Variants in TSG101 observed in about 807,000 individuals in gnomAD.
The protein encoded by TSG101 is tumor susceptibility 101, also known as tumor susceptibility gene 101 protein.
TSG101 carries 19 observed loss-of-function variants against 48.5 expected under a neutral mutation model. That is an observed-to-expected ratio of 0.39 (90% CI 0.27 to 0.58). TSG101 has a LOEUF of 0.58. Ranked by LOEUF, TSG101 falls within the 20% of genes least tolerant of loss-of-function variation. The pLI, the probability that TSG101 is intolerant of heterozygous loss-of-function variation, is 0.55. For missense variants in TSG101, 365 were observed against 484.4 expected (o/e 0.75, Z 2.31); for synonymous variants, 174 against 169.4 (o/e 1.03, Z -0.21).
At chr11:18,513,043 T>C (rs187526217) in intron 4 of TSG101, among the ~76,000 whole-genome samples, 27 of 152,122 alleles carry the variant, frequency 1.8e-4, no homozygotes, top group African/African-American at 6.5e-4. Context: ...GACAGATTTT[T>C]ATAAGGCTCA....
intron 4 of TSG101, chr11:18,511,294 C>T (rs970001969): frequency 2.6e-5 from 4 of 152,200 alleles, no homozygotes; most frequent in African/African-American, 9.7e-5. Context: ...ATACTCCTGA[C>T]AGAAGAGTTC....
intron 7 of TSG101, among the ~76,000 whole-genome samples, chr11:18,499,250 T>C (rs1849835270): frequency 2.9e-5 from 4 of 135,932 alleles, no homozygotes; most frequent in Non-Finnish European, 6.2e-5. Flanking sequence ...TATATATTTA[T>C]ATATTATATA....
At position 18,519,602 on chromosome 11, in the gene TSG101, T is replaced by C; in HGVS notation, c.44A>G (p.Tyr15Cys). 1 of 1,603,576 alleles carries C rather than the reference T, an allele frequency of 6.2e-7. No homozygotes were observed. Among genetic ancestry groups the C allele is most frequent in the Non-Finnish European group, 8.5e-7 (1 of 1,175,838 alleles). ...ESQLKKMVSKYKYRDLTVRET... is the reference protein window; with the variant it reads ...ESQLKKMVSKCKYRDLTVRET... ...ACGTACAGTTAGGTCTCTGTATTTG[T>C]ACTGAAAAGCAAAATCGCATAAGAA... Residue 15 changes from tyrosine (Y) to cysteine (C), a missense_variant and splice_region_variant, in exon 2 of 10, where the codon TAC (tyrosine) becomes TGC (cysteine). By Grantham distance (194) the Tyr-to-Cys change is radical (BLOSUM62 -2). Transcript: ENST00000251968.
chr11:18,512,723 A>ACTT (rs1554972169), intron 4 of TSG101, among the ~76,000 whole-genome samples: 1 of 120,372 alleles, frequency 8.3e-6, no homozygotes, highest in Admixed American at 9.2e-5. Context: ...GGACAGACAG[A>ACTT]TTTTTTTTTT....
rs1217467741 is a variant in TSG101 at position 18,487,275 on chromosome 11, GA to G, written c.641-3204del. 2.2e-3 allele frequency among the ~76,000 whole-genome samples: 312 copies of G among 144,992 alleles called. 3 individuals carry two copies. The highest frequency in any genetic ancestry group is 7.3e-3 in the African/African-American group (289 of 39,574). On this transcript the variant is annotated intron_variant, in intron 7 of 9. Coordinates refer to ENST00000251968, the MANE Select transcript of TSG101 (RefSeq NM_006292.4). ...CTTAAAGTATAATAAAAAAAAAAAA[GA>G]AAAAAAAATTTCTGTTCCCAAGGGA...
chr11:18,525,598 T>C (rs947333615), intron 1 of TSG101: 4 of 665,578 alleles, frequency 6.0e-6, no homozygotes, highest in East Asian at 2.7e-4. Flanking sequence ...TTACATACTA[T>C]GTAAAACAAT....
chr11:18,497,160 A>G (rs1362061085), intron 7 of TSG101, among the ~76,000 whole-genome samples: 1 of 152,306 alleles, frequency 6.6e-6, no homozygotes, highest in South Asian at 2.1e-4. Context: ...CAGTAACAGA[A>G]TAACAGCCCA....
In TSG101 at chr11:18,483,491, CAAAA is replaced by C. The variant is rs35471524; in HGVS notation, c.843+375_843+378del. On this transcript the variant is annotated intron_variant, in intron 8 of 9. Coordinates refer to ENST00000251968, the MANE Select transcript of TSG101 (RefSeq NM_006292.4). ...AGCCTGAGCGCAAGAGTGAAACTCTCAAAAAAAAAAAAAAAAAAAAGGAGTGCCT... is the reference window on the plus strand; with the variant it reads ...AGCCTGAGCGCAAGAGTGAAACTCTCAAAAAAAAAAAAAAAAGGAGTGCCT... Among the ~76,000 whole-genome samples, 40 of 107,682 alleles carry C rather than the reference CAAAA, an allele frequency of 3.7e-4. 1 individual carries two copies. Among genetic ancestry groups the C allele is most frequent in the South Asian group, 3.0e-3 (10 of 3,334 alleles). The allele number at this position is 107,682 out of a possible 152,430, so 70.6% of individuals were successfully genotyped here.
intron 6 of TSG101, 94 bp from the exon 7 acceptor site, chr11:18,502,671 G>T: frequency 1.1e-6 from 1 of 900,226 alleles, no homozygotes. Context: ...CTTGACATAT[G>T]GTTGTTTTAC....
chr11:18,526,615 G>T (rs1318916562), intron 1 of TSG101, among the ~76,000 whole-genome samples, 160 bp downstream of exon 1: 3 of 152,238 alleles, frequency 2.0e-5, no homozygotes, highest in Admixed American at 2.0e-4. Flanking sequence ...CGCACCAGGC[G>T]ACAGGCGCCT....
chr11:18,519,565 A>G lies in TSG101; in HGVS notation c.81T>C (p.Asn27=). ...YRDLTVRETV[N]VITLYKDLKP... ...TGAGATCTTTGTATAGAGTAATAAC[A>G]TTGACAGTTTCACGTACAGTTAGGT... Residue 27 remains asparagine, a synonymous_variant, in exon 2 of 10, where the codon AAT becomes AAC. Transcript: ENST00000251968. 1.9e-6 allele frequency: 3 copies of G among 1,613,090 alleles called. No individual in the cohort carries two copies. The highest frequency in any genetic ancestry group is 2.5e-6 in the Non-Finnish European group (3 of 1,179,680).
chr11:18,506,163 T>C (rs1458015934), intron 6 of TSG101, among the ~76,000 whole-genome samples: 1 of 152,050 alleles, frequency 6.6e-6, no homozygotes, highest in Non-Finnish European at 1.5e-5. Flanking sequence ...TGTGTATAAT[T>C]TGAAAGGAGT....
At chr11:18,485,417 AGCCTAAATACTAAATGT>A (rs1157686251) in intron 7 of TSG101, among the ~76,000 whole-genome samples, 1 of 152,184 alleles carries the variant, frequency 6.6e-6, no homozygotes, top group Non-Finnish European at 1.5e-5. Flanking sequence ...CTTATTATGC[AGCCTAAATACTAAATGT>A]TAAGGGTGGC....
chr11:18,490,333 T>C, intron 7 of TSG101: 1 of 599,866 alleles, frequency 1.7e-6, no homozygotes, highest in South Asian at 1.4e-5. Flanking sequence ...GTGCTGTCTT[T>C]ATAAGACTCT....
chr11:18,493,518 A>G (rs1849727732), intron 7 of TSG101, among the ~76,000 whole-genome samples: 1 of 152,150 alleles, frequency 6.6e-6, no homozygotes, highest in African/African-American at 2.4e-5. Flanking sequence ...TTCTGACCTC[A>G]CCCTTAATCA....
intron 2 of TSG101, among the ~76,000 whole-genome samples, chr11:18,516,605 A>C (rs1850178908): frequency 6.6e-6 from 1 of 151,864 alleles, no homozygotes. Flanking sequence ...TGGCCTCCCA[A>C]AGTGCTGGGA....
chr11:18,510,948 A>G (rs1185330660), intron 4 of TSG101: 1 of 144,270 alleles, frequency 6.9e-6, no homozygotes, highest in Non-Finnish European at 1.5e-5. Context: ...CAACAACGAC[A>G]ACAAAAAACA....
intron 7 of TSG101, among the ~76,000 whole-genome samples, chr11:18,498,271 G>A (rs1330801118): frequency 1.3e-5 from 2 of 152,188 alleles, no homozygotes; most frequent in African/African-American, 4.8e-5. Context: ...TGAACTCTGA[G>A]TGAAACAGGA....
At chr11:18,481,222 T>C (rs897279583) in intron 9 of TSG101, 1 of 925,516 alleles carries the variant, frequency 1.1e-6, no homozygotes, top group Non-Finnish European at 1.3e-6. Flanking sequence ...GATACTTTGA[T>C]GTGGGAAAAC....
Sources: allele counts gnomAD v4.1 joint callset (sites outside exome capture counted in the v4.1 genomes callset), GRCh38; gene constraint gnomAD v4.1.1; transcripts MANE v1.5; gene names NCBI Gene and HGNC (gene_info 2026-07-23, HGNC 2026-07-21).